BMAL1: variants seen among roughly 807,000 people sequenced by gnomAD.
BMAL1 encodes basic helix-loop-helix ARNT-like protein 1.
At chr11:13,357,484 A>G in the BMAL1 span, among the ~76,000 whole-genome samples, 1 of 152,188 alleles carries the variant, frequency 6.6e-6, no homozygotes, top group South Asian at 2.1e-4. The surrounding 1 kb of genome is among the most constrained non-coding windows in gnomAD (Gnocchi z 4.8). Context: ...TTGCACTGCG[A>G]GTTGCAACTG....
At chr11:13,384,578 GCCTCCCT>G in the BMAL1 span, among the ~76,000 whole-genome samples, 1 of 152,130 alleles carries the variant, frequency 6.6e-6, no homozygotes, top group South Asian at 2.1e-4. Flanking sequence ...ATTAAAATAT[GCCTCCCT>G]TTTCCAACTA....
the BMAL1 span, among the ~76,000 whole-genome samples, chr11:13,317,181 A>T: frequency 3.7e-4 from 57 of 152,336 alleles, no homozygotes; most frequent in African/African-American, 1.3e-3. Context: ...AAGACTTTGG[A>T]ACAGATATAA....
chr11:13,278,538 G>C, the BMAL1 span, among the ~76,000 whole-genome samples: 19 of 152,160 alleles, frequency 1.2e-4, no homozygotes, highest in Non-Finnish European at 2.2e-4. Flanking sequence ...GGGAGTCCAA[G>C]TCCGCCCGCC....
At chr11:13,281,559 G>A in the BMAL1 span, among the ~76,000 whole-genome samples, 4 of 152,220 alleles carry the variant, frequency 2.6e-5, no homozygotes, top group East Asian at 1.9e-4. Context: ...AGTCTTGCCT[G>A]GTTGGAGTGC....
chr11:13,357,215 T>A, the BMAL1 span: 1 of 1,418,988 alleles, frequency 7.0e-7, no homozygotes, highest in Non-Finnish European at 9.6e-7. This position sits in a 1 kb window ranked among gnomAD's most constrained non-coding sequence, Gnocchi z 4.8. Flanking sequence ...TGTCACCTCC[T>A]TAGGGAATAG....
chr11:13,385,922 T>A, the BMAL1 span: 2 of 718,620 alleles, frequency 2.8e-6, no homozygotes, highest in Non-Finnish European at 4.4e-6. Flanking sequence ...AATAAAAGTT[T>A]AAAATTTGTT....
chr11:13,354,161 T>G, the BMAL1 span: 536 of 796,484 alleles, frequency 6.7e-4, 1 homozygote, highest in Non-Finnish European at 8.8e-4. Flanking sequence ...GAGAGATGCA[T>G]TAGTGCTGCT....
the BMAL1 span, among the ~76,000 whole-genome samples, chr11:13,342,689 C>G: frequency 6.6e-6 from 1 of 152,142 alleles, no homozygotes; most frequent in African/African-American, 2.4e-5. Flanking sequence ...GATTAGTGTT[C>G]CATGGCAGAA....
the BMAL1 span, among the ~76,000 whole-genome samples, chr11:13,313,013 G>T: frequency 6.6e-6 from 1 of 152,262 alleles, no homozygotes; most frequent in Non-Finnish European, 1.5e-5. Flanking sequence ...AAGTGAGACA[G>T]TGAGCTCGTT....
the BMAL1 span, chr11:13,366,896 C>G: frequency 3.1e-6 from 2 of 639,332 alleles, no homozygotes; most frequent in East Asian, 6.0e-5. Flanking sequence ...TCCTACTTCT[C>G]TGTCCTCTTT....
the BMAL1 span, among the ~76,000 whole-genome samples, chr11:13,319,279 T>C: frequency 6.6e-6 from 1 of 152,258 alleles, no homozygotes; most frequent in African/African-American, 2.4e-5. Flanking sequence ...TCTGACCTTT[T>C]GCCATTGCAG....
chr11:13,313,598 C>A, the BMAL1 span, among the ~76,000 whole-genome samples: 1 of 152,158 alleles, frequency 6.6e-6, no homozygotes, highest in African/African-American at 2.4e-5. Flanking sequence ...AGCTCATCTT[C>A]TAATTTGTCA....
the BMAL1 span, among the ~76,000 whole-genome samples, chr11:13,284,222 ATATATGTG>A: frequency 1.4e-3 from 19 of 13,112 alleles, 1 homozygote; most frequent in South Asian, 9.6e-3. Flanking sequence ...GTATATATAT[ATATATGTG>A]TGTGTATATA....
chr11:13,348,976 C>A, the BMAL1 span, among the ~76,000 whole-genome samples: 1 of 152,322 alleles, frequency 6.6e-6, no homozygotes, highest in Admixed American at 6.5e-5. Flanking sequence ...ATTTTGCCAT[C>A]TCAAGGCAGT....
chr11:13,282,800 G>C, the BMAL1 span, among the ~76,000 whole-genome samples: 133 of 152,318 alleles, frequency 8.7e-4, no homozygotes, highest in Middle Eastern at 3.4e-3. Context: ...AGTTTATCTT[G>C]CTTTTTCCAA....
chr11:13,293,214 A>G, the BMAL1 span, among the ~76,000 whole-genome samples: 2 of 152,200 alleles, frequency 1.3e-5, no homozygotes, highest in African/African-American at 4.8e-5. Context: ...GCACCCAGGC[A>G]TGGAAGGGAA....
the BMAL1 span, chr11:13,358,697 T>C: frequency 2.4e-6 from 3 of 1,243,222 alleles, no homozygotes; most frequent in Non-Finnish European, 2.1e-6. Context: ...CTTGCAATTA[T>C]GTAGCCTTCA....
the BMAL1 span, among the ~76,000 whole-genome samples, chr11:13,317,842 C>G: frequency 6.6e-6 from 1 of 152,208 alleles, no homozygotes; most frequent in Non-Finnish European, 1.5e-5. Context: ...TTAAAAAATA[C>G]GTAGATACTT....
the BMAL1 span, chr11:13,365,583 C>T: frequency 1.2e-6 from 2 of 1,613,426 alleles, no homozygotes; most frequent in Admixed American, 1.7e-5. Flanking sequence ...AGATCCTCAA[C>T]TACAGCCAGG....
Sources: gnomAD v4.1 joint callset for allele counts (sites outside exome capture counted in the v4.1 genomes callset) on GRCh38, gnomAD v4.1.1 for gene constraint, Gnocchi (gnomAD v3.1) non-coding constraint, MANE v1.5 for transcripts, NCBI Gene and HGNC (gene_info 2026-07-23, HGNC 2026-07-21) for gene names.